The following ABL1 variants were observed in gnomAD, a reference collection of about 807,000 sequenced individuals.
The protein encoded by ABL1 is ABL proto-oncogene 1, non-receptor tyrosine kinase, also known as tyrosine-protein kinase ABL1.
ABL1 carries 11 observed loss-of-function variants against 94.7 expected under a neutral mutation model. The ratio of observed to expected loss-of-function variants is 0.12; its 90% CI spans 0.07 to 0.19. The LOEUF (loss-of-function observed/expected upper bound fraction) is 0.19, where lower values mean the gene tolerates loss of function less well. ABL1 is among the 10% of genes least tolerant of loss of function. The probability of loss-of-function intolerance (pLI) is 1.00; values close to 1 mark genes in which losing one functional copy is unlikely to be tolerated. For missense variants in ABL1, 1,082 were observed against 1,489.4 expected, an observed-to-expected ratio of 0.73 and a Z score of 4.50; for synonymous variants, 656 against 622.4, an observed-to-expected ratio of 1.05 and a Z score of -0.80.
chr9:130,839,015 C>T (rs1830629714), intron 1 of ABL1, among the ~76,000 whole-genome samples: 2 of 152,024 alleles, frequency 1.3e-5, no homozygotes, highest in Admixed American at 1.3e-4. Flanking sequence ...TCTCAAGCAA[C>T]CCTCCCACCT....
chr9:130,808,575 G>A (rs1322123891), intron 1 of ABL1, among the ~76,000 whole-genome samples: 1 of 152,076 alleles, frequency 6.6e-6, no homozygotes, highest in Non-Finnish European at 1.5e-5. Context: ...GGGTGGGCAG[G>A]TAGGTAGGTA....
intron 7 of ABL1, among the ~76,000 whole-genome samples, chr9:130,876,207 A>G (rs1165243540): frequency 1.3e-5 from 2 of 152,008 alleles, no homozygotes; most frequent in African/African-American, 2.4e-5. Flanking sequence ...TACAGTGCCT[A>G]GATCCAATAG....
At chr9:130,846,435 A>C (rs903395168) in intron 1 of ABL1, among the ~76,000 whole-genome samples, 3 of 152,252 alleles carry the variant, frequency 2.0e-5, no homozygotes, top group African/African-American at 4.8e-5. Context: ...CACAAAGGAA[A>C]TATGAATAAA....
chr9:130,851,664 C>G (rs951166182), intron 1 of ABL1, among the ~76,000 whole-genome samples: 2 of 151,908 alleles, frequency 1.3e-5, no homozygotes, highest in Non-Finnish European at 2.9e-5. Flanking sequence ...TCCTCTAAAT[C>G]CATAGAGAAG....
intron 1 of ABL1, among the ~76,000 whole-genome samples, chr9:130,789,024 T>G (rs1307149947): frequency 6.6e-6 from 1 of 152,198 alleles, no homozygotes; most frequent in Admixed American, 6.5e-5. Flanking sequence ...TGTGATTTCC[T>G]GAAACCTCTT....
intron 1 of ABL1, among the ~76,000 whole-genome samples, chr9:130,777,480 A>G (rs1829682968): frequency 6.7e-6 from 1 of 148,324 alleles, no homozygotes; most frequent in Non-Finnish European, 1.5e-5. Context: ...TCACTGCATT[A>G]GTACCTTCTA....
intron 1 of ABL1, among the ~76,000 whole-genome samples, chr9:130,809,417 A>AGAGAGAGTGT (rs1389499231): frequency 1.3e-4 from 11 of 84,412 alleles, no homozygotes; most frequent in Non-Finnish European, 2.7e-4. Context: ...AGAGAGAGAG[A>AGAGAGAGTGT]GTGTGTGTGT....
chr9:130,854,914 G>C lies in ABL1; in HGVS notation c.367G>C (p.Glu123Gln), dbSNP rs1042889963. Residue 123 changes from glutamate to glutamine, a missense_variant, in exon 3 of 11, where the codon GAG becomes CAG. Physicochemically the swap from Glu to Gln is conservative, Grantham distance 29 (BLOSUM62 2). Around this residue, in one of 7 missense-constraint regions of ABL1, gnomAD observed 47 missense variants for 142.2 expected, o/e 0.33. Transcript: ENST00000318560. ...CTACATCACGCCAGTCAACAGTCTG[G>C]AGAAACACTCCTGGTACCATGGGCC... The part of the protein sequence containing the change: ...SNYITPVNSL[E>Q]KHSWYHGPVS... 3 of 1,614,212 alleles carry C rather than the reference G, an allele frequency of 1.9e-6. No homozygotes were observed. The highest frequency in any genetic ancestry group is 2.5e-6 in the Non-Finnish European group (3 of 1,180,044).
At position 130,884,714 on chromosome 9, in the gene ABL1, C is replaced by T; in HGVS notation, c.2424C>T (p.Ser808=). The T allele has an allele frequency of 1.9e-6, 3 of 1,612,636 alleles. No individual in the cohort carries two copies. Among genetic ancestry groups the T allele is most frequent in the South Asian group, 1.1e-5 (1 of 91,066 alleles). ...ACATCATGGAGTCCAGCCCGGGCTCCAGCCCGCCCAACCTGACTCCAAAAC... is the reference window on the plus strand; with the variant it reads ...ACATCATGGAGTCCAGCCCGGGCTCTAGCCCGCCCAACCTGACTCCAAAAC... The part of the protein sequence containing the change: ...FKDIMESSPG[S]SPPNLTPKPL... Residue 808 remains serine (S), a synonymous_variant, in exon 11 of 11, where the codon TCC becomes TCT. Coordinates refer to ENST00000318560, the MANE Select transcript of ABL1 (RefSeq NM_005157.6). The surrounding 1 kb of genome is among the most constrained non-coding windows in gnomAD (Gnocchi z 5.6).
chr9:130,739,474 T>C (rs1200856515), intron 1 of ABL1, among the ~76,000 whole-genome samples: 1 of 152,206 alleles, frequency 6.6e-6, no homozygotes, highest in Non-Finnish European at 1.5e-5. Context: ...TATTATTTAT[T>C]ATAAAAACAA....
chr9:130,755,089 C>T (rs911340948), intron 1 of ABL1, among the ~76,000 whole-genome samples: 4 of 152,130 alleles, frequency 2.6e-5, no homozygotes, highest in Non-Finnish European at 4.4e-5. Flanking sequence ...GTGTCCTGAG[C>T]GCCTAGAACA....
chr9:130,720,812 G>A (rs924204961), intron 1 of ABL1, among the ~76,000 whole-genome samples: 1 of 152,138 alleles, frequency 6.6e-6, no homozygotes, highest in Non-Finnish European at 1.5e-5. Flanking sequence ...GGTCAGAACC[G>A]ACAAGATTTG....
Position 130,863,742 on chromosome 9 carries a change from C to T in ABL1, c.822+707C>T, listed in dbSNP as rs1168181352. On this transcript the variant is annotated intron_variant, in intron 4 of 10. Transcript: ENST00000318560. The surrounding 1 kb of genome is among the most constrained non-coding windows in gnomAD (Gnocchi z 4.3). ...GGGAAGGAAGTTTTCATTTTCAGCC[C>T]TTTGCATTCTTCAAAATGTGATCCA... is the stretch of plus-strand genomic sequence containing the variant. Among the ~76,000 whole-genome samples the T allele has an allele frequency of 1.3e-5, 2 of 152,208 alleles. No homozygotes were observed. Among genetic ancestry groups the T allele is most frequent in the Middle Eastern group, 6.3e-3 (2 of 316 alleles).
rs1588272958 is a variant in ABL1, at chr9:130,863,516, A to C, written c.822+481A>C. On this transcript the variant is annotated intron_variant, in intron 4 of 10. Transcript: ENST00000318560. This position sits in a 1 kb window ranked among gnomAD's most constrained non-coding sequence, Gnocchi z 4.3. ...CATCCCCAGTGGGTTCCAATTCTGC[A>C]GCTGCCCAGACTCCTGCAGGCAGAG... 2.6e-5 allele frequency among the ~76,000 whole-genome samples: 4 copies of C among 152,202 alleles called. No homozygotes were observed. In the South Asian group the frequency reaches 8.3e-4, roughly 32 times the overall value.
chr9:130,845,347 C>CT (rs1331369433), intron 1 of ABL1, among the ~76,000 whole-genome samples: 138 of 143,806 alleles, frequency 9.6e-4, no homozygotes, highest in Middle Eastern at 3.5e-3. Flanking sequence ...CTTAACCTTT[C>CT]TTTTTTTTTT....
intron 1 of ABL1, among the ~76,000 whole-genome samples, chr9:130,768,380 A>G (rs1308869952): frequency 6.6e-6 from 1 of 152,230 alleles, no homozygotes; most frequent in Non-Finnish European, 1.5e-5. Context: ...TGGCAAGAGC[A>G]AAGTCCCCCC....
chr9:130,870,708 A>G (rs1831237824), intron 4 of ABL1, among the ~76,000 whole-genome samples: 1 of 152,222 alleles, frequency 6.6e-6, no homozygotes, highest in Non-Finnish European at 1.5e-5. Context: ...CCCCTCGGAC[A>G]GCTTGGCATG....
At position 130,854,250 on chromosome 9, in the gene ABL1, TG is replaced by T. The variant is rs1250417704; in HGVS notation, c.253+16del. On this transcript the variant is annotated intron_variant, in intron 2 of 10. Transcript: ENST00000318560. ...AGCATAACTAAAGGTAAAAGGGTTG[TG>T]GGCAGCTAGTGGTGGTTGCAGGAGA... is the stretch of plus-strand genomic sequence containing the variant. The T allele has an allele frequency of 3.5e-5, 57 of 1,611,084 alleles. No homozygotes were observed. Among genetic ancestry groups the T allele is most frequent in the Non-Finnish European group, 4.8e-5 (57 of 1,178,330 alleles).
At chr9:130,827,662 AG>A (rs1375891273) in intron 1 of ABL1, among the ~76,000 whole-genome samples, 1 of 152,166 alleles carries the variant, frequency 6.6e-6, no homozygotes, top group Non-Finnish European at 1.5e-5. Context: ...TGGGAGGCTG[AG>A]GTGGACAGTT....
Sources: gnomAD v4.1 joint callset for allele counts (sites outside exome capture counted in the v4.1 genomes callset) on GRCh38, gnomAD v4.1.1 for gene constraint, gnomAD v4.1.1 regional missense constraint, Gnocchi (gnomAD v3.1) non-coding constraint, MANE v1.5 for transcripts, NCBI Gene and HGNC (gene_info 2026-07-23, HGNC 2026-07-21) for gene names.